NEK7: variants seen among roughly 807,000 people sequenced by gnomAD.
NEK7 encodes serine/threonine-protein kinase Nek7.
Under a neutral mutation model 44.6 loss-of-function variants are expected in NEK7, and 18 were observed. The observed-to-expected ratio is 0.40, with a 90% CI of 0.28 to 0.60. The LOEUF (loss-of-function observed/expected upper bound fraction) is 0.60, where lower values mean the gene tolerates loss of function less well. Ranked by LOEUF, NEK7 falls within the 20% of genes least tolerant of loss-of-function variation. The pLI is 0.38. For missense variants in NEK7, 256 were observed against 366.5 expected (o/e 0.70, Z 2.46); for synonymous variants, 130 against 121.1 (o/e 1.07, Z -0.48).
chr1:198,175,053 G>A (rs1335803106), intron 1 of NEK7, among the ~76,000 whole-genome samples: 1 of 152,134 alleles, frequency 6.6e-6, no homozygotes, highest in South Asian at 2.1e-4. Context: ...GCACTGTACC[G>A]TGCCTGTTAG....
At chr1:198,269,473 T>C (rs1397149232) in intron 5 of NEK7, among the ~76,000 whole-genome samples, 1 of 152,226 alleles carries the variant, frequency 6.6e-6, no homozygotes, top group African/African-American at 2.4e-5. Context: ...AAAAAAATCA[T>C]AGGAACTTCT....
intron 9 of NEK7, among the ~76,000 whole-genome samples, chr1:198,315,247 G>A (rs1244867009): frequency 6.6e-6 from 1 of 152,176 alleles, no homozygotes; most frequent in Non-Finnish European, 1.5e-5. Context: ...GGAACTCTCT[G>A]ACCCCTTGCG....
chr1:198,250,514 A>G (rs1196118284), intron 2 of NEK7, among the ~76,000 whole-genome samples: 4 of 148,776 alleles, frequency 2.7e-5, no homozygotes, highest in African/African-American at 9.9e-5. Context: ...ACCCATGAGC[A>G]TGGAATGTTC....
chr1:198,177,117 G>A (rs1274165848), intron 1 of NEK7, among the ~76,000 whole-genome samples: 3 of 152,102 alleles, frequency 2.0e-5, no homozygotes, highest in South Asian at 2.1e-4. Context: ...GACTCATTTT[G>A]TGTAGAAACG....
intron 5 of NEK7, among the ~76,000 whole-genome samples, chr1:198,268,073 A>G (rs1571590090): frequency 2.0e-5 from 3 of 151,522 alleles, no homozygotes; most frequent in African/African-American, 7.3e-5. Flanking sequence ...TCTGGAGACT[A>G]TCATTTTTCT....
chr1:198,293,003 A>T lies in NEK7; in HGVS notation c.648A>T (p.Lys216Asn). Reference protein sequence around the residue: ...ERIHENGYNFKSDIWSLGCLL... With the variant: ...ERIHENGYNFNSDIWSLGCLL... Reference sequence around the variant, plus strand: ...TACATGAAAATGGATACAACTTCAAATCTGACATCTGGTCTCTTGGCTGTC... The same window carrying T: ...TACATGAAAATGGATACAACTTCAATTCTGACATCTGGTCTCTTGGCTGTC... Residue 216 changes from lysine to asparagine, a missense_variant, in exon 8 of 10, where the codon AAA (lysine) becomes AAT (asparagine). Around this residue, in one of 3 missense-constraint regions of NEK7, gnomAD observed 102 missense variants for 205.2 expected, o/e 0.50. Coordinates refer to ENST00000367385, the MANE Select transcript of NEK7 (RefSeq NM_133494.3). 6.3e-7 allele frequency: 1 copy of T among 1,598,288 alleles called. No individual in the cohort carries two copies. Among genetic ancestry groups the T allele is most frequent in the Non-Finnish European group, 8.6e-7 (1 of 1,165,956 alleles).
chr1:198,232,921 T>C (rs1438759411), intron 2 of NEK7, among the ~76,000 whole-genome samples: 2 of 151,950 alleles, frequency 1.3e-5, no homozygotes, highest in African/African-American at 4.8e-5. Flanking sequence ...ATTGCACATA[T>C]TTTTAGGGTG....
At chr1:198,301,335 A>G (rs367948688) in intron 9 of NEK7, among the ~76,000 whole-genome samples, 12 of 151,936 alleles carry the variant, frequency 7.9e-5, no homozygotes, top group Admixed American at 2.6e-4. Flanking sequence ...CGGATCACGA[A>G]GTCAGGAGAT....
intron 7 of NEK7, among the ~76,000 whole-genome samples, chr1:198,283,994 G>A (rs1000461160): frequency 4.6e-5 from 7 of 152,074 alleles, no homozygotes; most frequent in African/African-American, 1.7e-4. Flanking sequence ...CTCCAGACTT[G>A]TTATCTGGCC....
intron 1 of NEK7, among the ~76,000 whole-genome samples, chr1:198,168,733 A>G (rs1050692897): frequency 6.6e-6 from 1 of 152,120 alleles, no homozygotes; most frequent in Non-Finnish European, 1.5e-5. Flanking sequence ...GGTCTTATCA[A>G]TCCACAGACC....
chr1:198,184,471 A>G (rs1664857423), intron 1 of NEK7, among the ~76,000 whole-genome samples: 2 of 152,216 alleles, frequency 1.3e-5, no homozygotes, highest in Non-Finnish European at 2.9e-5. Flanking sequence ...AACTGCTTAC[A>G]TATTCATATA....
At chr1:198,198,111 G>C (rs778356118) in intron 1 of NEK7, 1 of 1,217,030 alleles carries the variant, frequency 8.2e-7, no homozygotes. Flanking sequence ...GGGTGGGCAG[G>C]ATTGGAACCT....
chr1:198,313,580 G>A (rs1301551474), intron 9 of NEK7, among the ~76,000 whole-genome samples: 8 of 136,910 alleles, frequency 5.8e-5, no homozygotes, highest in Non-Finnish European at 1.2e-4. Context: ...GCTGGTACCG[G>A]TTGTTCCTTT....
chr1:198,232,739 C>T, intron 2 of NEK7, 102 bp downstream of exon 2: 1 of 598,904 alleles, frequency 1.7e-6, no homozygotes, highest in Non-Finnish European at 2.9e-6. Context: ...TAAAGTAGCA[C>T]AAAAGTGCTA....
chr1:198,265,757 A>T (rs912569306), intron 5 of NEK7, among the ~76,000 whole-genome samples: 10 of 151,976 alleles, frequency 6.6e-5, no homozygotes, highest in African/African-American at 2.2e-4. Flanking sequence ...TAGTGTAGAT[A>T]AAGAGTTGAT....
chr1:198,293,925 A>G (rs1352444152), intron 8 of NEK7, among the ~76,000 whole-genome samples: 2 of 151,936 alleles, frequency 1.3e-5, no homozygotes, highest in Non-Finnish European at 3.0e-5. Flanking sequence ...ATAGAAACCA[A>G]TGCATTTCCT....
intron 1 of NEK7, among the ~76,000 whole-genome samples, chr1:198,185,023 T>G (rs2102753056): frequency 6.6e-6 from 1 of 152,188 alleles, no homozygotes; most frequent in East Asian, 1.9e-4. Flanking sequence ...GGGAGTCTTG[T>G]GGCAAGACAG....
rs1654602820 is a variant in NEK7 at position 198,292,879 on chromosome 1, T to C, written c.590-66T>C. On this transcript the variant is annotated intron_variant, in intron 7 of 9. Transcript: ENST00000367385. ...TTTAAATTCAAAATTTTGTATGTAG[T>C]TTCTGACCACAGCTGTATCTTTATT... 4.6e-6 allele frequency: 4 copies of C among 866,556 alleles called. No homozygotes were observed. The South Asian group carries it at 5.7e-5, about 12-fold the overall frequency. 53.7% of individuals were successfully genotyped at this position (866,556 alleles called of 1,614,324 possible). A position where few individuals can be genotyped will look rare whatever the true frequency, so the allele number is the denominator to read the frequency against.
At chr1:198,316,927 G>A (rs16829977) in intron 9 of NEK7, among the ~76,000 whole-genome samples, 22,474 of 152,198 alleles carry the variant, frequency 0.15, 1,954 homozygotes, top group East Asian at 0.43. Context: ...TGTCTTATCC[G>A]GTGCCATCAA....
Sources: allele counts gnomAD v4.1 joint callset (sites outside exome capture counted in the v4.1 genomes callset), GRCh38; gene constraint gnomAD v4.1.1; regional missense constraint gnomAD v4.1.1; transcripts MANE v1.5; gene names NCBI Gene and HGNC (gene_info 2026-07-23, HGNC 2026-07-21).